GPNMB: variants seen among roughly 807,000 people sequenced by gnomAD.
The protein encoded by GPNMB is transmembrane glycoprotein NMB.
A neutral mutation model predicts 57.3 loss-of-function variants in GPNMB; 71 were observed. The observed-to-expected ratio is 1.24, with a 90% CI of 1.02 to 1.51. GPNMB has a LOEUF of 1.51. Ranked by LOEUF, GPNMB falls within the 40% of genes most tolerant of loss-of-function variation. The pLI is 0.00. For missense variants in GPNMB, 677 were observed against 691.9 expected, an observed-to-expected ratio of 0.98 and a Z score of 0.24; for synonymous variants, 253 against 263.2, an observed-to-expected ratio of 0.96 and a Z score of 0.38.
At chr7:23,272,359 G>A (rs1033542021) in intron 9 of GPNMB, among the ~76,000 whole-genome samples, 11 of 152,170 alleles carry the variant, frequency 7.2e-5, no homozygotes, top group African/African-American at 2.7e-4. Flanking sequence ...GCCAGGCACA[G>A]TGGAACATAC....
chr7:23,271,866 T>A (rs573504723), intron 9 of GPNMB, among the ~76,000 whole-genome samples: 1 of 152,224 alleles, frequency 6.6e-6, no homozygotes, highest in South Asian at 2.1e-4. Context: ...GCAGTTTTAA[T>A]CCCATTAAAA....
At position 23,253,417 on chromosome 7, in the gene GPNMB, G is replaced by C. The variant is rs907368787; in HGVS notation, c.181G>C (p.Val61Leu). 1.1e-5 allele frequency: 17 copies of C among 1,614,010 alleles called. No individual in the cohort carries two copies. The highest frequency in any genetic ancestry group is 1.4e-5 in the Non-Finnish European group (17 of 1,179,888). ...ENDWNEKLYP[V>L]WKRGDMRWKN... ...TGACTGGAATGAAAAACTCTACCCA[G>C]TGTGGAAGCGGGGAGACATGAGGTG... The change falls in exon 2 of 11, where the codon GTG (valine) becomes CTG (leucine). Residue 61 changes from valine (V) to leucine (L), a missense_variant. Coordinates refer to ENST00000258733, the MANE Select transcript of GPNMB (RefSeq NM_002510.3).
intron 6 of GPNMB, among the ~76,000 whole-genome samples, chr7:23,262,177 C>T (rs908448489): frequency 2.0e-5 from 3 of 152,168 alleles, no homozygotes; most frequent in Non-Finnish European, 2.9e-5. Flanking sequence ...TCAAGCATAT[C>T]TAAGTCAAGA....
chr7:23,252,547 C>T (rs1200717613), intron 1 of GPNMB, among the ~76,000 whole-genome samples: 3 of 152,152 alleles, frequency 2.0e-5, no homozygotes, highest in African/African-American at 7.2e-5. Context: ...AGGGTCAGTT[C>T]ATCAAGAAGC....
chr7:23,270,229 A>G, intron 9 of GPNMB, 54 bp downstream of exon 9: 1 of 1,217,426 alleles, frequency 8.2e-7, no homozygotes, highest in Non-Finnish European at 1.2e-6. Flanking sequence ...TAAAGTGTGT[A>G]TCCCATACTA....
rs764341605 is a variant in GPNMB, at chr7:23,267,918, A to G, written c.1150A>G (p.Thr384Ala). The change falls in exon 8 of 11, where the codon ACA (threonine) becomes GCA (alanine). Residue 384 changes from threonine (T) to alanine (A), a missense_variant. By Grantham distance (58) the Thr-to-Ala change is moderately conservative. Transcript: ENST00000258733. ...GILEVNIIQM[T>A]DVLMPVPWPE... is the part of the protein sequence containing the mutation. ...CTTAGAGGTTAACATCATCCAGATGACAGACGTCCTGATGCCGGTGCCATG... is the reference window on the plus strand; with the variant it reads ...CTTAGAGGTTAACATCATCCAGATGGCAGACGTCCTGATGCCGGTGCCATG... 6.2e-7 allele frequency: 1 copy of G among 1,613,436 alleles called. No homozygotes were observed.
Position 23,257,049 on chromosome 7 carries a change from C to T in GPNMB, c.525C>T (p.Tyr175=), listed in dbSNP as rs770827735. The stretch of plus-strand genomic sequence containing the variant: ...GATGGAGAAGATGGAATTTCATCTA[C>T]GTCTTCCACACACTTGGTTGGCTTT... The part of the protein sequence containing the change: ...HPGWRRWNFI[Y]VFHTLGQYFQ... Residue 175 remains tyrosine, a synonymous_variant, in exon 4 of 11, where the codon TAC becomes TAT. Transcript: ENST00000258733. The T allele has an allele frequency of 1.9e-5, 30 of 1,614,034 alleles. No homozygotes were observed. The highest frequency in any genetic ancestry group is 1.6e-4 in the Middle Eastern group (1 of 6,062).
At chr7:23,266,201 G>T in intron 6 of GPNMB, 1 of 273,896 alleles carries the variant, frequency 3.7e-6, no homozygotes, top group Non-Finnish European at 7.0e-6. Flanking sequence ...TGCCCCCCTC[G>T]GCCTCCCAAA....
intron 3 of GPNMB, among the ~76,000 whole-genome samples, chr7:23,255,879 C>T (rs111319354): frequency 0.04 from 6,050 of 152,020 alleles, 346 homozygotes; most frequent in East Asian, 0.12. Flanking sequence ...TTTCTTTGTG[C>T]TGAGAACATT....
chr7:23,253,648 AG>A (rs1342646107), intron 2 of GPNMB, among the ~76,000 whole-genome samples, 189 bp downstream of exon 2: 1 of 152,202 alleles, frequency 6.6e-6, no homozygotes, highest in Non-Finnish European at 1.5e-5. Flanking sequence ...CTAAACCACA[AG>A]TAATCTCCTT....
intron 6 of GPNMB, among the ~76,000 whole-genome samples, chr7:23,262,869 C>T (rs1192862143): frequency 6.6e-6 from 1 of 151,962 alleles, no homozygotes; most frequent in East Asian, 1.9e-4. Flanking sequence ...ATCTACCCAC[C>T]CCAGCCTTCC....
At chr7:23,264,946 T>G (rs1030837255) in intron 6 of GPNMB, among the ~76,000 whole-genome samples, 2 of 152,192 alleles carry the variant, frequency 1.3e-5, no homozygotes, top group Non-Finnish European at 2.9e-5. Context: ...ACAATCCTAT[T>G]GCTGTAGAGT....
intron 4 of GPNMB, chr7:23,257,278 A>T: frequency 1.7e-6 from 1 of 599,848 alleles, no homozygotes; most frequent in East Asian, 2.8e-5. Flanking sequence ...AAAAAGAGAG[A>T]AAAACAAAAA....
intron 1 of GPNMB, chr7:23,247,147 T>G (rs1367517512): frequency 3.5e-6 from 2 of 564,940 alleles, no homozygotes; most frequent in African/African-American, 3.8e-5. Flanking sequence ...AAGTAAAAAC[T>G]ATGCTGCCCT....
At position 23,252,954 on chromosome 7, in the gene GPNMB, A is replaced by G. The variant is rs186372334; in HGVS notation, c.71-353A>G. Reference sequence around the variant, plus strand: ...AGCCAAGTGAGTAGTTCAGAATGGGAAAAAAAAATGCAAAAATCTGAAGAT... The same window carrying G: ...AGCCAAGTGAGTAGTTCAGAATGGGGAAAAAAAATGCAAAAATCTGAAGAT... On this transcript the variant is annotated intron_variant, in intron 1 of 10. Transcript: ENST00000258733. 2.2e-3 allele frequency among the ~76,000 whole-genome samples: 313 copies of G among 143,298 alleles called. 1 individual carries two copies. Among genetic ancestry groups the G allele is most frequent in the Middle Eastern group, 0.011 (3 of 282 alleles). The allele number at this position is 143,298 out of a possible 152,430, so 94.0% of individuals were successfully genotyped here.
intron 4 of GPNMB, chr7:23,257,536 G>A: frequency 5.4e-6 from 1 of 185,014 alleles, no homozygotes; most frequent in Non-Finnish European, 1.1e-5. Context: ...GCCAGGTGTG[G>A]TGGTGCGCAC....
intron 8 of GPNMB, among the ~76,000 whole-genome samples, chr7:23,268,539 T>C (rs1783124186): frequency 6.6e-6 from 1 of 152,242 alleles, no homozygotes; most frequent in East Asian, 1.9e-4. Flanking sequence ...GTCATGACCA[T>C]ATGTAATAAA....
chr7:23,274,461 T>A lies in GPNMB; in HGVS notation c.*237T>A, dbSNP rs1783288579. 2.6e-6 allele frequency: 1 copy of A among 385,172 alleles called. No homozygotes were observed. The highest frequency in any genetic ancestry group is 4.3e-5 in the Admixed American group (1 of 23,304). The allele number at this position is 385,172 out of a possible 1,614,324, so 23.9% of individuals were successfully genotyped here. A position where few individuals can be genotyped will look rare whatever the true frequency, so the allele number is the denominator to read the frequency against. Reference sequence around the variant, plus strand: ...AACTTAGCAAGGCTTCTTTTCATTATTTTTTATGTTTCACTTATAAAGTCT... The same window carrying A: ...AACTTAGCAAGGCTTCTTTTCATTAATTTTTATGTTTCACTTATAAAGTCT... On this transcript the variant is annotated 3_prime_UTR_variant, in exon 11 of 11. Transcript: ENST00000258733.
intron 7 of GPNMB, among the ~76,000 whole-genome samples, chr7:23,267,139 A>G (rs73277857): frequency 0.022 from 3,314 of 152,318 alleles, 110 homozygotes; most frequent in African/African-American, 0.076. Context: ...AAGCCCAAGC[A>G]GTGTCCCCTG....
Sources: allele counts gnomAD v4.1 joint callset (sites outside exome capture counted in the v4.1 genomes callset), GRCh38; gene constraint gnomAD v4.1.1; transcripts MANE v1.5; gene names NCBI Gene and HGNC (gene_info 2026-07-23, HGNC 2026-07-21).